Variants in AQR observed in about 807,000 individuals in gnomAD.
The protein encoded by AQR is aquarius intron-binding spliceosomal factor.
A neutral mutation model predicts 180.5 loss-of-function variants in AQR; 61 were observed. That is an observed-to-expected ratio of 0.34 (90% CI 0.28 to 0.42). AQR has a LOEUF of 0.42. Among genes scored for constraint, AQR ranks in the 10% least tolerant of loss-of-function variants. The probability of loss-of-function intolerance (pLI) is 1.00; values close to 1 mark genes in which losing one functional copy is unlikely to be tolerated. For synonymous variants in AQR, 551 were observed against 588.8 expected, an observed-to-expected ratio of 0.94 and a Z score of 0.93; for missense variants, 1,281 against 1,798.3, an observed-to-expected ratio of 0.71 and a Z score of 5.20.
At chr15:34,911,370 T>C (rs8030597) in intron 16 of AQR, among the ~76,000 whole-genome samples, 2 of 152,196 alleles carry the variant, frequency 1.3e-5, no homozygotes, top group Non-Finnish European at 2.9e-5. Flanking sequence ...ACCTCCATAC[T>C]GCTTTCCATA....
At chr15:34,913,174 C>T (rs1893525411) in intron 16 of AQR, among the ~76,000 whole-genome samples, 1 of 152,128 alleles carries the variant, frequency 6.6e-6, no homozygotes, top group South Asian at 2.1e-4. Flanking sequence ...TAAAAAGATC[C>T]CTCTTGTCCA....
chr15:34,884,177 C>T (rs916754961), intron 26 of AQR, among the ~76,000 whole-genome samples: 2 of 151,970 alleles, frequency 1.3e-5, no homozygotes, highest in Non-Finnish European at 2.9e-5. Flanking sequence ...GAGGCAGAGG[C>T]GAGCAGATAA....
intron 16 of AQR, among the ~76,000 whole-genome samples, chr15:34,911,872 G>A (rs138321242): frequency 3.6e-4 from 54 of 150,836 alleles, no homozygotes; most frequent in African/African-American, 1.2e-3. Context: ...CAAGACAAAT[G>A]TTATGGAGCT....
At position 34,855,675 on chromosome 15, in the gene AQR, A is replaced by G. The variant is rs1369774098; in HGVS notation, c.*1117T>C. ...GTGAAGACAACACAGTAATCTTAGTACAGTGCTTCTCAAACTACAAAGTGC... is the reference window on the plus strand; with the variant it reads ...GTGAAGACAACACAGTAATCTTAGTGCAGTGCTTCTCAAACTACAAAGTGC... On this transcript the variant is annotated 3_prime_UTR_variant, in exon 35 of 35. Transcript: ENST00000156471. 6.6e-6 allele frequency: 1 copy of G among 152,134 alleles called. No homozygotes were observed. Among genetic ancestry groups the G allele is most frequent in the Non-Finnish European group, 1.5e-5 (1 of 68,016 alleles). The allele number at this position is 152,134 out of a possible 1,614,324, so 9.4% of individuals were successfully genotyped here.
chr15:34,897,037 A>G, intron 21 of AQR, 71 bp from the exon 22 acceptor site: 1 of 1,249,454 alleles, frequency 8.0e-7, no homozygotes, highest in Non-Finnish European at 1.2e-6. Context: ...TTAGACAACA[A>G]TGACCAGTGG....
chr15:34,856,844 G>C lies in AQR; in HGVS notation c.4406C>G (p.Ala1469Gly). 1 of 1,604,472 alleles carries C rather than the reference G, an allele frequency of 6.2e-7. No individual in the cohort carries two copies. Residue 1469 changes from alanine (A) to glycine (G), a missense_variant, in exon 35 of 35, where the codon GCA (alanine) becomes GGA (glycine). Ala to Gly is a moderately conservative substitution (Grantham distance 60). Transcript: ENST00000156471. ...PTVVGAVSAP[A>G]EANTPQDATS... is the part of the protein sequence containing the mutation. ...GGCATCCTGAGGTGTGTTAGCTTCT[G>C]CCGGTGCAGATACAGCTCCTACCAC... is the stretch of plus-strand genomic sequence containing the variant.
chr15:34,872,537 T>G (rs553481369), intron 30 of AQR, among the ~76,000 whole-genome samples: 11 of 152,090 alleles, frequency 7.2e-5, no homozygotes, highest in Admixed American at 7.2e-4. Context: ...CAATATGTAA[T>G]GAAAACATCA....
At chr15:34,896,018 C>A (rs1471580001) in intron 22 of AQR, among the ~76,000 whole-genome samples, 1 of 152,204 alleles carries the variant, frequency 6.6e-6, no homozygotes, top group Non-Finnish European at 1.5e-5. Context: ...ACAATACATT[C>A]TCTGACCAAA....
At chr15:34,868,012 T>C (rs1453861213) in intron 31 of AQR, 1 of 168,764 alleles carries the variant, frequency 5.9e-6, no homozygotes, top group African/African-American at 2.4e-5. Flanking sequence ...AGTAAATGTC[T>C]ACAGCATTCC....
chr15:34,872,727 C>T (rs1892837723), intron 30 of AQR, among the ~76,000 whole-genome samples: 2 of 152,066 alleles, frequency 1.3e-5, no homozygotes, highest in African/African-American at 4.8e-5. Flanking sequence ...ACAATAAGAT[C>T]TGCATGAGTT....
rs1892575233 is a variant in AQR, at chr15:34,855,473, T to C, written c.*1319A>G. On this transcript the variant is annotated 3_prime_UTR_variant, in exon 35 of 35. Coordinates refer to ENST00000156471, the MANE Select transcript of AQR (RefSeq NM_014691.3). The stretch of plus-strand genomic sequence containing the variant: ...TAGATACTCTAGCAGATGATCAAAA[T>C]GGGAAATAGAGAACTAGTGGGCAAT... 1 of 151,574 alleles carries C rather than the reference T, an allele frequency of 6.6e-6. No individual in the cohort carries two copies. The highest frequency in any genetic ancestry group is 6.6e-5 in the Admixed American group (1 of 15,212). 9.4% of individuals were successfully genotyped at this position (151,574 alleles called of 1,614,324 possible). A position where few individuals can be genotyped will look rare whatever the true frequency, so the allele number is the denominator to read the frequency against.
Position 34,948,303 on chromosome 15 carries a change from C to T in AQR, c.291G>A (p.Met97Ile), listed in dbSNP as rs1166429040. Residue 97 changes from methionine (M) to isoleucine (I), a missense_variant, in exon 5 of 35, where the codon ATG (methionine) becomes ATA (isoleucine). Met to Ile is a conservative substitution (Grantham distance 10). Coordinates refer to ENST00000156471, the MANE Select transcript of AQR (RefSeq NM_014691.3). ...CGTTTTCTCTAAACTTCTCATTCAC[C>T]ATACAGCAGATTGACATTAAATAGG... Reference protein sequence around the residue: ...SKAYLMSICCMVNEKFRENVP... With the variant: ...SKAYLMSICCIVNEKFRENVP... The T allele has an allele frequency of 6.2e-7, 1 of 1,613,540 alleles. No homozygotes were observed. The highest frequency in any genetic ancestry group is 8.5e-7 in the Non-Finnish European group (1 of 1,179,974).
At chr15:34,929,691 C>A (rs1411578736) in intron 12 of AQR, among the ~76,000 whole-genome samples, 2 of 152,184 alleles carry the variant, frequency 1.3e-5, no homozygotes, top group Non-Finnish European at 2.9e-5. Flanking sequence ...AGAGTTTGAA[C>A]TGAATCTTTA....
chr15:34,888,104 C>T (rs770756748), intron 24 of AQR, among the ~76,000 whole-genome samples: 8 of 151,566 alleles, frequency 5.3e-5, no homozygotes, highest in Non-Finnish European at 1.0e-4. Flanking sequence ...TCAAGACTAG[C>T]CTGGCCAACA....
chr15:34,948,885 A>G (rs866820934), intron 4 of AQR, among the ~76,000 whole-genome samples: 1 of 152,188 alleles, frequency 6.6e-6, no homozygotes, highest in African/African-American at 2.4e-5. Flanking sequence ...TATAGAAAAT[A>G]CAGCTTTGGA....
Position 34,875,876 on chromosome 15 carries a change from T to C in AQR, c.3237+59A>G. 3 of 1,349,078 alleles carry C rather than the reference T, an allele frequency of 2.2e-6. No homozygotes were observed. In the South Asian group the frequency reaches 3.6e-5, roughly 16 times the overall value. 83.6% of individuals were successfully genotyped at this position (1,349,078 alleles called of 1,614,324 possible). ...ACACCCAAACTGTACAACTTTCTGA[T>C]GCTGTCCTCAGCATTCTTAGAACTC... On this transcript the variant is annotated intron_variant, in intron 28 of 34. Transcript: ENST00000156471.
intron 8 of AQR, among the ~76,000 whole-genome samples, chr15:34,940,038 G>T (rs1446190113): frequency 6.6e-6 from 1 of 152,192 alleles, no homozygotes; most frequent in Admixed American, 6.5e-5. Flanking sequence ...CAGAGCATGT[G>T]TTCTAGGAGT....
intron 3 of AQR, among the ~76,000 whole-genome samples, chr15:34,955,725 T>C (rs1595810529): frequency 6.6e-6 from 1 of 152,026 alleles, no homozygotes; most frequent in Non-Finnish European, 1.5e-5. Flanking sequence ...CTGGCCAACA[T>C]GGCGAAACCC....
At chr15:34,883,209 G>C (rs1595785592) in intron 26 of AQR, among the ~76,000 whole-genome samples, 1 of 152,228 alleles carries the variant, frequency 6.6e-6, no homozygotes, top group East Asian at 1.9e-4. Flanking sequence ...AACTGATGAA[G>C]AAATACCTTG....
Sources: gnomAD v4.1 joint callset for allele counts (sites outside exome capture counted in the v4.1 genomes callset) on GRCh38, gnomAD v4.1.1 for gene constraint, MANE v1.5 for transcripts, NCBI Gene and HGNC (gene_info 2026-07-23, HGNC 2026-07-21) for gene names.